The following WNT10A variants were observed in gnomAD, a reference collection of about 807,000 sequenced individuals.
WNT10A encodes protein Wnt-10a.
In WNT10A, 37 loss-of-function variants were observed where a neutral mutation model predicts 36.1. The ratio of observed to expected loss-of-function variants is 1.02; its 90% CI spans 0.79 to 1.35. The LOEUF is 1.35. Among genes scored for constraint, WNT10A ranks in the 40% most tolerant of loss-of-function variants. The probability of loss-of-function intolerance (pLI) is 0.00; values close to 1 mark genes in which losing one functional copy is unlikely to be tolerated. For synonymous variants in WNT10A, 255 were observed against 254.1 expected, an observed-to-expected ratio of 1.00 and a Z score of -0.03; for missense variants, 613 against 601.4, an observed-to-expected ratio of 1.02 and a Z score of -0.20.
chr2:218,882,354 C>A lies in WNT10A; in HGVS notation c.307C>A (p.Gln103Lys). Reference sequence around the variant, plus strand: ...CGAATGCCAACACCAATTCAGGGACCAGCGCTGGAACTGCTCAAGCCTGGA... The same window carrying A: ...CGAATGCCAACACCAATTCAGGGACAAGCGCTGGAACTGCTCAAGCCTGGA... ...IHECQHQFRD[Q>K]RWNCSSLETR... The change falls in exon 2 of 4, where the codon CAG (glutamine) becomes AAG (lysine). Residue 103 changes from glutamine (Q) to lysine (K), a missense_variant. Physicochemically the swap from Gln to Lys is moderately conservative, Grantham distance 53. Coordinates refer to ENST00000258411, the MANE Select transcript of WNT10A (RefSeq NM_025216.3). 1 of 1,614,202 alleles carries A rather than the reference C, an allele frequency of 6.2e-7. No homozygotes were observed. Among genetic ancestry groups the A allele is most frequent in the Non-Finnish European group, 8.5e-7 (1 of 1,180,042 alleles).
intron 2 of WNT10A, among the ~76,000 whole-genome samples, chr2:218,884,880 A>G (rs897988641): frequency 2.0e-5 from 3 of 151,936 alleles, no homozygotes; most frequent in Middle Eastern, 3.4e-3. Context: ...CCCTTTTCTG[A>G]CCCATGTTAT....
rs1228372182 is a variant in WNT10A, at chr2:218,892,966, G to C, written c.949G>C (p.Ala317Pro). 6.9e-7 allele frequency: 1 copy of C among 1,443,344 alleles called. No homozygotes were observed. Among genetic ancestry groups the C allele is most frequent in the Non-Finnish European group, 9.0e-7 (1 of 1,105,482 alleles). The allele number at this position is 1,443,344 out of a possible 1,614,324, so 89.4% of individuals were successfully genotyped here. A position where few individuals can be genotyped will look rare whatever the true frequency, so the allele number is the denominator to read the frequency against. Residue 317 changes from alanine to proline, a missense_variant, in exon 4 of 4, where the codon GCA becomes CCA. Transcript: ENST00000258411. ...GGQLEPGPAG[A>P]PSPAPGAPGP... Reference sequence around the variant, plus strand: ...CCAGCTGGAGCCGGGCCCAGCGGGGGCACCCTCGCCGGCTCCGGGCGCTCC... The same window carrying C: ...CCAGCTGGAGCCGGGCCCAGCGGGGCCACCCTCGCCGGCTCCGGGCGCTCC...
chr2:218,881,360 G>C (rs78489160), intron 1 of WNT10A, among the ~76,000 whole-genome samples: 1 of 151,620 alleles, frequency 6.6e-6, no homozygotes, highest in Admixed American at 6.6e-5. Flanking sequence ...AGGTGTGTGT[G>C]GGGGGGGAGC....
At position 218,890,151 on chromosome 2, in the gene WNT10A, C is replaced by T. The variant is rs770264528; in HGVS notation, c.544C>T (p.Leu182=). 1.2e-6 allele frequency: 2 copies of T among 1,614,196 alleles called. No homozygotes were observed. The highest frequency in any genetic ancestry group is 4.5e-5 in the East Asian group (2 of 44,884). ...GCTGCACCGCTTACAACTGGATGCACTGCAGCGTGGTAAGGGCCTGAGCCA... is the reference window on the plus strand; with the variant it reads ...GCTGCACCGCTTACAACTGGATGCATTGCAGCGTGGTAAGGGCCTGAGCCA... ...RKLHRLQLDA[L]QRGKGLSHGV... is the part of the protein sequence containing the mutation. Residue 182 remains leucine, a synonymous_variant, in exon 3 of 4, where the codon CTG becomes TTG. Coordinates refer to ENST00000258411, the MANE Select transcript of WNT10A (RefSeq NM_025216.3).
chr2:218,877,369 G>A (rs768982372), upstream of WNT10A, among the ~76,000 whole-genome samples: 14 of 152,202 alleles, frequency 9.2e-5, no homozygotes, highest in Non-Finnish European at 1.5e-4. The surrounding 1 kb of genome is among the most constrained non-coding windows in gnomAD (Gnocchi z 4.1). Flanking sequence ...TCTATGAAGG[G>A]TGGGAGTGAT....
chr2:218,888,857 A>G (rs1364306877), intron 2 of WNT10A, among the ~76,000 whole-genome samples: 1 of 152,192 alleles, frequency 6.6e-6, no homozygotes, highest in Non-Finnish European at 1.5e-5. Flanking sequence ...GAATTTCATC[A>G]TTGACAATTT....
At chr2:218,882,742 G>A (rs1365012565) in intron 2 of WNT10A, among the ~76,000 whole-genome samples, 2 of 152,188 alleles carry the variant, frequency 1.3e-5, no homozygotes, top group African/African-American at 4.8e-5. Flanking sequence ...CCTGTCGCTT[G>A]CCTCTACTTA....
intron 2 of WNT10A, 151 bp downstream of exon 2, chr2:218,882,574 C>T: frequency 9.0e-7 from 1 of 1,113,926 alleles, no homozygotes; most frequent in Non-Finnish European, 1.3e-6. Context: ...CTTCCTCTTT[C>T]TGATCTCAGG....
In WNT10A at chr2:218,881,067, G is replaced by T. The variant is rs772447299; in HGVS notation, c.72G>T (p.Val24=). The T allele has an allele frequency of 2.5e-6, 4 of 1,605,528 alleles. No homozygotes were observed. In the South Asian group the frequency reaches 3.4e-5, roughly 13 times the overall value. ...PQPQPRPALW[V]LLFFLLLLAA... is the part of the protein sequence containing the mutation. ...CCCAGCCGCGGCCAGCGCTCTGGGT[G>T]CTCCTGTTCTTCCTACTGCTGCTGG... is the stretch of plus-strand genomic sequence containing the variant. The change falls in exon 1 of 4, where the codon GTG becomes GTT. Residue 24 remains valine, a synonymous_variant. Coordinates refer to ENST00000258411, the MANE Select transcript of WNT10A (RefSeq NM_025216.3).
chr2:218,893,053 T>G lies in WNT10A; in HGVS notation c.1036T>G (p.Cys346Gly). ...CTACTTCGAAAAGTCTCCCGACTTC[T>G]GCGAGCGCGAGCCGCGCCTGGACTC... ...LVYFEKSPDF[C>G]EREPRLDSAG... is the part of the protein sequence containing the mutation. The change falls in exon 4 of 4, where the codon TGC (cysteine) becomes GGC (glycine). Residue 346 changes from cysteine to glycine, a missense_variant. By Grantham distance (159) the Cys-to-Gly change is radical. Coordinates refer to ENST00000258411, the MANE Select transcript of WNT10A (RefSeq NM_025216.3). The surrounding 1 kb of genome is among the most constrained non-coding windows in gnomAD (Gnocchi z 6.3). 6.3e-7 allele frequency: 1 copy of G among 1,596,356 alleles called. No homozygotes were observed. Among genetic ancestry groups the G allele is most frequent in the Non-Finnish European group, 8.5e-7 (1 of 1,179,092 alleles).
chr2:218,878,315 G>A (rs1461003797), upstream of WNT10A, among the ~76,000 whole-genome samples: 1 of 152,112 alleles, frequency 6.6e-6, no homozygotes, highest in East Asian at 1.9e-4. The surrounding 1 kb of genome is among the most constrained non-coding windows in gnomAD (Gnocchi z 4.1). Context: ...TCTGACTTGG[G>A]CACTCCTAGA....
chr2:218,880,794 G>GC (rs886055639), upstream of WNT10A: 788 of 490,660 alleles, frequency 1.6e-3, 1 homozygote, highest in East Asian at 0.012. The surrounding 1 kb of genome is among the most constrained non-coding windows in gnomAD (Gnocchi z 7.7). Flanking sequence ...TTCACCCCCC[G>GC]CCCCCCCCGA....
At chr2:218,878,775 G>A (rs768182900), upstream of WNT10A, among the ~76,000 whole-genome samples, 17 of 152,154 alleles carry the variant, frequency 1.1e-4, 1 homozygote, top group Admixed American at 9.2e-4. This position sits in a 1 kb window ranked among gnomAD's most constrained non-coding sequence, Gnocchi z 4.1. Context: ...CCTGTGTCAC[G>A]TTCCTAATTC....
intron 1 of WNT10A, 146 bp from the exon 2 acceptor site, chr2:218,882,015 G>A (rs1313292027): frequency 9.6e-7 from 1 of 1,046,766 alleles, no homozygotes; most frequent in African/African-American, 1.6e-5. Context: ...AGAGGAATGT[G>A]TAGGAGTGTA....
intron 1 of WNT10A, 41 bp downstream of exon 1, chr2:218,881,149 G>A (rs1185024627): frequency 1.9e-6 from 3 of 1,559,918 alleles, no homozygotes; most frequent in Admixed American, 1.9e-5. Context: ...AGAGAGTTGG[G>A]ACCCCGGCCT....
At chr2:218,879,712 G>A (rs1287122963), upstream of WNT10A, among the ~76,000 whole-genome samples, 1 of 152,242 alleles carries the variant, frequency 6.6e-6, no homozygotes. Flanking sequence ...CTCAGTGTTG[G>A]GGAGGCAGCT....
At chr2:218,892,558 G>T (rs1208777516) in intron 3 of WNT10A, among the ~76,000 whole-genome samples, 1 of 152,330 alleles carries the variant, frequency 6.6e-6, no homozygotes, top group South Asian at 2.1e-4. Context: ...TTCCCCCGGG[G>T]CCTGGCCTGG....
chr2:218,885,533 G>C (rs1331967967), intron 2 of WNT10A, among the ~76,000 whole-genome samples: 1 of 152,166 alleles, frequency 6.6e-6, no homozygotes, highest in African/African-American at 2.4e-5. Flanking sequence ...GGAGGGAAAT[G>C]TGGTAGATTC....
intron 2 of WNT10A, among the ~76,000 whole-genome samples, chr2:218,887,859 A>G (rs1944596800): frequency 6.6e-6 from 1 of 152,234 alleles, no homozygotes; most frequent in African/African-American, 2.4e-5. Flanking sequence ...AGTTCATTTA[A>G]TTCTTGGAAC....
Sources: allele counts gnomAD v4.1 joint callset (sites outside exome capture counted in the v4.1 genomes callset), GRCh38; gene constraint gnomAD v4.1.1; non-coding constraint Gnocchi (gnomAD v3.1); transcripts MANE v1.5; gene names NCBI Gene and HGNC (gene_info 2026-07-23, HGNC 2026-07-21).